The following SLC35F3 variants were observed in gnomAD, a reference collection of about 807,000 sequenced individuals.
The protein encoded by SLC35F3 is putative thiamine transporter SLC35F3.
A neutral mutation model predicts 49.9 loss-of-function variants in SLC35F3; 25 were observed. That is an observed-to-expected ratio of 0.50 (90% confidence interval 0.37 to 0.70). The LOEUF is 0.70. SLC35F3 is among the 30% of genes least tolerant of loss of function. The pLI, the probability that SLC35F3 is intolerant of heterozygous loss-of-function variation, is 0.00. For synonymous variants in SLC35F3, 275 were observed against 265.4 expected (o/e 1.04, Z -0.35); for missense variants, 525 against 639.8 (o/e 0.82, Z 1.94).
chr1:234,128,205 A>G (rs1373277691), intron 2 of SLC35F3, among the ~76,000 whole-genome samples: 4 of 152,218 alleles, frequency 2.6e-5, no homozygotes, highest in African/African-American at 9.6e-5. Flanking sequence ...GAGAAGGTCC[A>G]AGACACTTTC....
intron 2 of SLC35F3, among the ~76,000 whole-genome samples, chr1:233,914,227 T>C (rs1571976863): frequency 6.6e-6 from 1 of 152,182 alleles, no homozygotes. Context: ...CACCAGAAAG[T>C]TGGGGTCTAG....
At chr1:234,301,470 G>A (rs185760168) in intron 3 of SLC35F3, among the ~76,000 whole-genome samples, 52 of 152,300 alleles carry the variant, frequency 3.4e-4, no homozygotes, top group Middle Eastern at 3.4e-3. Context: ...TCAGAGAAAT[G>A]CAAATCAAAA....
chr1:234,314,843 G>C (rs910183192), intron 4 of SLC35F3, among the ~76,000 whole-genome samples: 1 of 152,164 alleles, frequency 6.6e-6, no homozygotes, highest in Non-Finnish European at 1.5e-5. Context: ...TCTTCTCTCT[G>C]TTCCTTTCTC....
At chr1:233,929,169 C>T (rs1162610406) in intron 2 of SLC35F3, among the ~76,000 whole-genome samples, 3 of 152,098 alleles carry the variant, frequency 2.0e-5, no homozygotes, top group Non-Finnish European at 4.4e-5. Flanking sequence ...TACAATCTAC[C>T]ACAAGGGTAG....
At chr1:233,945,230 A>G (rs1383223370) in intron 2 of SLC35F3, among the ~76,000 whole-genome samples, 1 of 151,952 alleles carries the variant, frequency 6.6e-6, no homozygotes, top group Non-Finnish European at 1.5e-5. Context: ...GGGCACTGCT[A>G]TTTGAATAAA....
intron 2 of SLC35F3, among the ~76,000 whole-genome samples, chr1:234,076,998 G>GTTTTTTTTTTTT (rs56254338): frequency 1.1e-5 from 1 of 91,276 alleles, no homozygotes. Flanking sequence ...TTTTTTTTTT[G>GTTTTTTTTTTTT]TTTTTTTTTT....
chr1:234,007,682 T>C (rs1431396876), intron 2 of SLC35F3, among the ~76,000 whole-genome samples: 2 of 152,254 alleles, frequency 1.3e-5, no homozygotes, highest in East Asian at 1.9e-4. Context: ...ACCCACAGGA[T>C]TGTAACCTCA....
At chr1:234,025,128 T>G (rs545079784) in intron 2 of SLC35F3, among the ~76,000 whole-genome samples, 8 of 152,374 alleles carry the variant, frequency 5.3e-5, no homozygotes, top group South Asian at 2.1e-4. Context: ...GCCACATTCA[T>G]GTTGGTGCAA....
intron 2 of SLC35F3, among the ~76,000 whole-genome samples, chr1:234,049,957 G>A (rs1163324262): frequency 1.3e-5 from 2 of 152,186 alleles, no homozygotes; most frequent in Non-Finnish European, 2.9e-5. Flanking sequence ...TCCCTACAAA[G>A]GACATGAACT....
At chr1:234,062,932 G>A (rs1043687239) in intron 2 of SLC35F3, among the ~76,000 whole-genome samples, 7 of 149,968 alleles carry the variant, frequency 4.7e-5, no homozygotes, top group East Asian at 2.0e-4. Context: ...CTTGTGATCC[G>A]CCCGCCTCGG....
At chr1:234,068,821 C>A (rs1221601061) in intron 2 of SLC35F3, among the ~76,000 whole-genome samples, 1 of 20,218 alleles carries the variant, frequency 4.9e-5, no homozygotes, top group African/African-American at 2.5e-4. Context: ...AGATTTGAGA[C>A]ATTATATATA....
rs184090422 is a variant in SLC35F3 at position 234,029,838 on chromosome 1, G to T, written c.283+124080G>T. On this transcript the variant is annotated intron_variant, in intron 2 of 7. Coordinates refer to ENST00000366618, the MANE Select transcript of SLC35F3 (RefSeq NM_173508.4). The stretch of plus-strand genomic sequence containing the variant: ...GATCATGCCACTGCACTCCAGCCTG[G>T]GCAATAGAGAGAGACTCTGTCTCAA... 5.8e-3 allele frequency among the ~76,000 whole-genome samples: 885 copies of T among 151,946 alleles called. 13 individuals carry two copies. Among genetic ancestry groups the T allele is most frequent in the Non-Finnish European group, 5.3e-3 (360 of 67,982 alleles).
chr1:234,077,530 CT>C (rs1664810279), intron 2 of SLC35F3, among the ~76,000 whole-genome samples: 1 of 152,200 alleles, frequency 6.6e-6, no homozygotes, highest in Non-Finnish European at 1.5e-5. Flanking sequence ...ATTCAATTAC[CT>C]CCACCTTGTT....
At chr1:234,278,514 A>T (rs1668251487) in intron 3 of SLC35F3, among the ~76,000 whole-genome samples, 1 of 151,902 alleles carries the variant, frequency 6.6e-6, no homozygotes, top group African/African-American at 2.4e-5. Flanking sequence ...AACGAAAAAA[A>T]AAGAGAAAAA....
chr1:234,136,891 G>A (rs1210548649), intron 2 of SLC35F3, among the ~76,000 whole-genome samples: 5 of 152,202 alleles, frequency 3.3e-5, no homozygotes, highest in Non-Finnish European at 5.9e-5. Flanking sequence ...CACCACAGGG[G>A]CCACCGCTTT....
At chr1:234,143,288 C>T (rs199663819) in intron 2 of SLC35F3, among the ~76,000 whole-genome samples, 6,344 of 123,150 alleles carry the variant, frequency 0.052, 708 homozygotes, top group African/African-American at 0.21. Flanking sequence ...CTTTTCTTTT[C>T]TTTTTTTTTT....
chr1:234,078,970 A>C (rs189350444), intron 2 of SLC35F3, among the ~76,000 whole-genome samples: 55 of 152,320 alleles, frequency 3.6e-4, no homozygotes, highest in Non-Finnish European at 5.9e-4. Flanking sequence ...AAAAAATCAA[A>C]AGCGGTTCTA....
chr1:234,056,866 T>G (rs1664463765), intron 2 of SLC35F3, among the ~76,000 whole-genome samples: 1 of 152,212 alleles, frequency 6.6e-6, no homozygotes, highest in African/African-American at 2.4e-5. Context: ...GTCTAACTCA[T>G]CCTTTTTTGT....
intron 3 of SLC35F3, chr1:234,285,121 CAAAG>C (rs1414452032): frequency 7.3e-6 from 2 of 275,700 alleles, no homozygotes; most frequent in Non-Finnish European, 1.4e-5. Context: ...CCTTGGCAAA[CAAAG>C]AAGCAGCTCT....
Sources: gnomAD v4.1 joint callset for allele counts (sites outside exome capture counted in the v4.1 genomes callset) on GRCh38, gnomAD v4.1.1 for gene constraint, MANE v1.5 for transcripts, NCBI Gene and HGNC (gene_info 2026-07-23, HGNC 2026-07-21) for gene names.